Variants in GALNT13 observed in about 807,000 individuals in gnomAD.
GALNT13 encodes the protein polypeptide N-acetylgalactosaminyltransferase 13.
Under a neutral mutation model 64.2 loss-of-function variants are expected in GALNT13, and 28 were observed. The ratio of observed to expected loss-of-function variants is 0.44; its 90% confidence interval spans 0.32 to 0.60. The LOEUF (loss-of-function observed/expected upper bound fraction) is 0.60. Ranked by LOEUF, GALNT13 falls within the 20% of genes least tolerant of loss-of-function variation. The pLI is 0.05. For missense variants in GALNT13, 577 were observed against 669.8 expected (o/e 0.86, Z 1.53); for synonymous variants, 214 against 224.6 (o/e 0.95, Z 0.42).
downstream of GALNT13, among the ~76,000 whole-genome samples, chr2:154,456,320 A>C (rs2105517936): frequency 6.6e-6 from 1 of 152,186 alleles, no homozygotes; most frequent in South Asian, 2.1e-4. Flanking sequence ...GTGCATAATG[A>C]CAGATTTTAA....
At chr2:154,134,149 G>C (rs1006000787) in intron 3 of GALNT13, among the ~76,000 whole-genome samples, 1 of 152,156 alleles carries the variant, frequency 6.6e-6, no homozygotes, top group Non-Finnish European at 1.5e-5. Context: ...GCATAGCTAT[G>C]TGTCCAAGAG....
At chr2:153,295,414 T>C in the GALNT13 span, among the ~76,000 whole-genome samples, 3 of 151,982 alleles carry the variant, frequency 2.0e-5, no homozygotes, top group Admixed American at 6.6e-5. Flanking sequence ...TAAAGCCAAA[T>C]TGGCACCTTG....
chr2:153,149,833 A>G, the GALNT13 span, among the ~76,000 whole-genome samples: 1 of 151,910 alleles, frequency 6.6e-6, no homozygotes, highest in Non-Finnish European at 1.5e-5. Flanking sequence ...TAGATAATAA[A>G]ATAATTAAAT....
the GALNT13 span, among the ~76,000 whole-genome samples, chr2:153,676,082 T>TGA: frequency 6.6e-6 from 1 of 152,040 alleles, no homozygotes; most frequent in Admixed American, 6.6e-5. Flanking sequence ...AAAATTAGTT[T>TGA]TTTGAAAGAT....
chr2:153,223,361 A>G, the GALNT13 span, among the ~76,000 whole-genome samples: 1 of 152,232 alleles, frequency 6.6e-6, no homozygotes, highest in Non-Finnish European at 1.5e-5. Flanking sequence ...CTGCCTGGCA[A>G]TAGCAGAATA....
chr2:153,083,385 C>A, the GALNT13 span, among the ~76,000 whole-genome samples: 1 of 152,228 alleles, frequency 6.6e-6, no homozygotes, highest in Non-Finnish European at 1.5e-5. Flanking sequence ...CTTTTCCCCA[C>A]ATCTACCCCA....
chr2:153,317,422 A>G, the GALNT13 span, among the ~76,000 whole-genome samples: 4 of 152,176 alleles, frequency 2.6e-5, no homozygotes, highest in Non-Finnish European at 5.9e-5. Flanking sequence ...TGTAAGGAGA[A>G]TCTTTAATCA....
the GALNT13 span, among the ~76,000 whole-genome samples, chr2:153,846,028 CT>C: frequency 8.5e-5 from 13 of 152,260 alleles, no homozygotes; most frequent in African/African-American, 3.1e-4. Context: ...AATGTGAAGT[CT>C]TTTCCAGACT....
chr2:153,953,343 TTTAAGTA>T (rs1458082168), intron 3 of GALNT13, among the ~76,000 whole-genome samples: 1 of 152,042 alleles, frequency 6.6e-6, no homozygotes, highest in African/African-American at 2.4e-5. Context: ...CAATAATAAT[TTTAAGTA>T]TTAACTATTC....
chr2:153,738,363 C>T, the GALNT13 span, among the ~76,000 whole-genome samples: 1 of 151,964 alleles, frequency 6.6e-6, no homozygotes, highest in Non-Finnish European at 1.5e-5. Flanking sequence ...GTATAGTTCA[C>T]TTCTGTTAAT....
intron 3 of GALNT13, 49 bp downstream of exon 3, chr2:153,944,688 G>A (rs1469405452): frequency 6.8e-7 from 1 of 1,480,564 alleles, no homozygotes; most frequent in East Asian, 2.3e-5. Context: ...GAGAAAAGTG[G>A]TGCCTTGACA....
At chr2:154,140,568 A>G in intron 4 of GALNT13, 63 bp downstream of exon 4, 1 of 1,139,638 alleles carries the variant, frequency 8.8e-7, no homozygotes, top group South Asian at 1.5e-5. Flanking sequence ...GAATCTCAGA[A>G]CTTGAGCTAA....
chr2:153,199,816 C>G, the GALNT13 span, among the ~76,000 whole-genome samples: 10 of 152,208 alleles, frequency 6.6e-5, no homozygotes, highest in East Asian at 1.9e-3. Flanking sequence ...ATCAAAAAAG[C>G]ACAATAACAA....
At chr2:153,310,462 A>T in the GALNT13 span, among the ~76,000 whole-genome samples, 956 of 152,124 alleles carry the variant, frequency 6.3e-3, 8 homozygotes, top group African/African-American at 0.021. Context: ...AGCAAGACCA[A>T]CCACTCCTCT....
chr2:153,345,646 TC>T, the GALNT13 span, among the ~76,000 whole-genome samples: 1 of 118,342 alleles, frequency 8.5e-6, no homozygotes, highest in South Asian at 2.9e-4. Flanking sequence ...TTTCTTTCTT[TC>T]TTTCTTTCTT....
In GALNT13 at chr2:154,450,635, A is replaced by G; in HGVS notation, c.*84A>G. ...TGGGGGAAAATATTAACTTTGCTGA[A>G]TTGAAAGTTTTAAAAATCCTTTTAG... On this transcript the variant is annotated 3_prime_UTR_variant, in exon 13 of 13. Coordinates refer to ENST00000392825, the MANE Select transcript of GALNT13 (RefSeq NM_052917.4). The G allele has an allele frequency of 7.9e-7, 1 of 1,262,986 alleles. No homozygotes were observed. Among genetic ancestry groups the G allele is most frequent in the Non-Finnish European group, 1.1e-6 (1 of 934,456 alleles). The allele number at this position is 1,262,986 out of a possible 1,614,324, so 78.2% of individuals were successfully genotyped here.
At chr2:153,729,419 A>T in the GALNT13 span, among the ~76,000 whole-genome samples, 8 of 152,076 alleles carry the variant, frequency 5.3e-5, no homozygotes, top group African/African-American at 1.7e-4. Context: ...TTATCATTTT[A>T]AAAAAATTAA....
chr2:153,435,620 G>A, the GALNT13 span, among the ~76,000 whole-genome samples: 6 of 151,772 alleles, frequency 4.0e-5, no homozygotes. Context: ...TCATGATTTG[G>A]CTCTCTGTTT....
chr2:153,491,125 A>G, the GALNT13 span, among the ~76,000 whole-genome samples: 1 of 152,120 alleles, frequency 6.6e-6, no homozygotes, highest in Non-Finnish European at 1.5e-5. Context: ...TGTGAACATA[A>G]TTTATCTAAT....
Sources: gnomAD v4.1 joint callset for allele counts (sites outside exome capture counted in the v4.1 genomes callset) on GRCh38, gnomAD v4.1.1 for gene constraint, MANE v1.5 for transcripts, NCBI Gene and HGNC (gene_info 2026-07-23, HGNC 2026-07-21) for gene names.